The following NDRG1 variants were observed in gnomAD, a reference collection of about 807,000 sequenced individuals.
The protein encoded by NDRG1 is protein NDRG1.
NDRG1 carries 32 observed loss-of-function variants against 56.9 expected under a neutral mutation model. The ratio of observed to expected loss-of-function variants is 0.56; its 90% confidence interval spans 0.42 to 0.76. NDRG1 has a LOEUF of 0.76. Among genes scored for constraint, NDRG1 ranks in the 30% least tolerant of loss-of-function variants. NDRG1 has a pLI of 0.00. For synonymous variants in NDRG1, 211 were observed against 204.1 expected (o/e 1.03, Z -0.29); for missense variants, 507 against 545.7 (o/e 0.93, Z 0.71).
chr8:133,260,914 G>A (rs1056115813), intron 5 of NDRG1, among the ~76,000 whole-genome samples: 4 of 152,120 alleles, frequency 2.6e-5, no homozygotes, highest in East Asian at 1.9e-4. Context: ...CCCACATGAT[G>A]CTGATTGGGG....
At chr8:133,261,656 G>T (rs1228807866) in intron 5 of NDRG1, among the ~76,000 whole-genome samples, 1 of 152,110 alleles carries the variant, frequency 6.6e-6, no homozygotes, top group Non-Finnish European at 1.5e-5. Context: ...ACTATTTGGT[G>T]GTGTCAAGTC....
intron 7 of NDRG1, among the ~76,000 whole-genome samples, chr8:133,257,854 A>ATAATAGGTAGT (rs1346154671): frequency 2.0e-5 from 3 of 152,210 alleles, no homozygotes; most frequent in Non-Finnish European, 4.4e-5. Context: ...AGCCCAGCAA[A>ATAATAGGTAGT]TAATAGGTAG....
chr8:133,259,845 T>C (rs1187316772), intron 5 of NDRG1, among the ~76,000 whole-genome samples: 1 of 152,144 alleles, frequency 6.6e-6, no homozygotes, highest in Non-Finnish European at 1.5e-5. Context: ...TAACAAAGCC[T>C]ATCGAAACAG....
At chr8:133,284,431 GC>G in intron 1 of NDRG1, 102 bp from the exon 2 acceptor site, 1 of 1,024,422 alleles carries the variant, frequency 9.8e-7, no homozygotes. Context: ...CCTGCGCTCT[GC>G]CCAGCAGCTT....
intron 1 of NDRG1, among the ~76,000 whole-genome samples, chr8:133,291,883 T>C (rs1396678654): frequency 6.6e-6 from 1 of 152,170 alleles, no homozygotes; most frequent in Non-Finnish European, 1.5e-5. Context: ...GAGCTGAAAC[T>C]GAACTGCTGT....
At position 133,239,177 on chromosome 8, in the gene NDRG1, G is replaced by A. The variant is rs962114908; in HGVS notation, c.944-58C>T. 8.4e-6 allele frequency: 13 copies of A among 1,547,008 alleles called. No homozygotes were observed. In the African/African-American group the frequency reaches 1.8e-4, roughly 21 times the overall value. On this transcript the variant is annotated intron_variant, in intron 15 of 15. Coordinates refer to ENST00000323851, the MANE Select transcript of NDRG1 (RefSeq NM_006096.4). ...AGGAGACTGCCAGGTGAGGAGCCAGGCATGCCCGTCCACCAGCCACATGCT... is the reference window on the plus strand; with the variant it reads ...AGGAGACTGCCAGGTGAGGAGCCAGACATGCCCGTCCACCAGCCACATGCT...
intron 5 of NDRG1, among the ~76,000 whole-genome samples, chr8:133,260,217 G>T (rs904605980): frequency 1.3e-5 from 2 of 152,140 alleles, no homozygotes; most frequent in African/African-American, 4.8e-5. Context: ...TACTTCCAAG[G>T]TCCCTCCTGT....
intron 2 of NDRG1, among the ~76,000 whole-genome samples, 182 bp downstream of exon 2, chr8:133,284,067 T>C (rs542685864): frequency 6.6e-6 from 1 of 152,216 alleles, no homozygotes; most frequent in South Asian, 2.1e-4. Flanking sequence ...TGTGTACGCA[T>C]GTGTGTCTGT....
At chr8:133,274,545 G>A (rs942147151) in intron 3 of NDRG1, among the ~76,000 whole-genome samples, 5 of 152,158 alleles carry the variant, frequency 3.3e-5, no homozygotes, top group African/African-American at 1.2e-4. Flanking sequence ...TTAACAAGCA[G>A]GTAAGAAACC....
intron 1 of NDRG1, among the ~76,000 whole-genome samples, chr8:133,296,325 G>A (rs555235599): frequency 5.3e-5 from 8 of 152,248 alleles, no homozygotes; most frequent in Admixed American, 1.3e-4. Flanking sequence ...TCAAGGGGCC[G>A]CCAAATGTCC....
chr8:133,258,969 C>T (rs1473445120), intron 6 of NDRG1, 199 bp downstream of exon 6: 2 of 650,812 alleles, frequency 3.1e-6, no homozygotes, highest in African/African-American at 3.6e-5. Context: ...AAGAGGAAAA[C>T]TGAAGTTAGA....
chr8:133,253,998 G>A (rs886372075), intron 9 of NDRG1, among the ~76,000 whole-genome samples: 3 of 151,130 alleles, frequency 2.0e-5, no homozygotes, highest in Non-Finnish European at 2.9e-5. Context: ...ACTGCACCCC[G>A]ACTAGGAATA....
chr8:133,259,686 GCATGA>G (rs144294888), intron 5 of NDRG1, among the ~76,000 whole-genome samples: 8,076 of 152,196 alleles, frequency 0.053, 281 homozygotes, highest in African/African-American at 0.089. Context: ...ATTAAAACAG[GCATGA>G]ATGAGTTCCA....
intron 9 of NDRG1, among the ~76,000 whole-genome samples, chr8:133,252,060 T>A (rs1315232552): frequency 2.6e-5 from 4 of 152,214 alleles, no homozygotes; most frequent in African/African-American, 9.6e-5. Context: ...ATCGGAGTTC[T>A]AGACTCAGAG....
chr8:133,259,939 G>C (rs1036797959), intron 5 of NDRG1, among the ~76,000 whole-genome samples: 2 of 152,216 alleles, frequency 1.3e-5, no homozygotes, highest in Admixed American at 6.5e-5. Flanking sequence ...TGAGTAAAGC[G>C]TGTGGGCAGG....
chr8:133,254,928 A>G (rs2130713997), intron 8 of NDRG1: 7 of 382,518 alleles, frequency 1.8e-5, no homozygotes, highest in South Asian at 1.8e-4. Flanking sequence ...AAAGAGGGCC[A>G]TCCATTCACC....
intron 13 of NDRG1, among the ~76,000 whole-genome samples, chr8:133,245,853 C>T (rs1430836703): frequency 6.6e-6 from 1 of 152,186 alleles, no homozygotes; most frequent in Non-Finnish European, 1.5e-5. Context: ...ATGTAAAGAG[C>T]CCAATACAGG....
chr8:133,286,264 C>T (rs1191886876), intron 1 of NDRG1, among the ~76,000 whole-genome samples: 1 of 152,218 alleles, frequency 6.6e-6, no homozygotes, highest in Admixed American at 6.5e-5. Flanking sequence ...TAAATCATTG[C>T]TAAACCCCAA....
intron 6 of NDRG1, 33 bp downstream of exon 6, chr8:133,259,135 C>A (rs775688598): frequency 1.9e-5 from 31 of 1,598,636 alleles, no homozygotes; most frequent in Non-Finnish European, 2.4e-5. Context: ...GGCTTCTCTG[C>A]AGACAGAGAA....
Sources: gnomAD v4.1 joint callset for allele counts (sites outside exome capture counted in the v4.1 genomes callset) on GRCh38, gnomAD v4.1.1 for gene constraint, MANE v1.5 for transcripts, NCBI Gene and HGNC (gene_info 2026-07-23, HGNC 2026-07-21) for gene names.